CELF2: variants seen among roughly 807,000 people sequenced by gnomAD.
CELF2 encodes CUG triplet repeat RNA-binding protein 2.
CELF2 carries 8 observed loss-of-function variants against 62.6 expected under a neutral mutation model. The observed-to-expected ratio is 0.13, with a 90% CI of 0.07 to 0.23. The LOEUF (loss-of-function observed/expected upper bound fraction) is 0.23. Among genes scored for constraint, CELF2 ranks in the 10% least tolerant of loss-of-function variants. The probability of loss-of-function intolerance (pLI) is 1.00; values close to 1 mark genes in which losing one functional copy is unlikely to be tolerated. For synonymous variants in CELF2, 258 were observed against 250.0 expected (o/e 1.03, Z -0.30); for missense variants, 333 against 671.0 (o/e 0.50, Z 5.56).
chr10:10,540,347 A>C, the CELF2 span, among the ~76,000 whole-genome samples: 2 of 152,160 alleles, frequency 1.3e-5, no homozygotes. Flanking sequence ...TCTCATGCAC[A>C]CAGTCCTGGG....
chr10:10,891,697 A>G (rs1163831103), intron 1 of CELF2, among the ~76,000 whole-genome samples: 2 of 152,148 alleles, frequency 1.3e-5, no homozygotes, highest in East Asian at 1.9e-4. Context: ...TTCGCTGTTT[A>G]TTAGCTGCAC....
the CELF2 span, among the ~76,000 whole-genome samples, chr10:10,726,426 G>C: frequency 6.6e-6 from 1 of 152,274 alleles, no homozygotes; most frequent in African/African-American, 2.4e-5. Context: ...TAGGTCATCA[G>C]CTTCTAGAGT....
chr10:11,260,027 G>A lies in CELF2; in HGVS notation c.538+2155G>A, dbSNP rs142023062. Among the ~76,000 whole-genome samples, 229 of 152,268 alleles carry A rather than the reference G, an allele frequency of 1.5e-3. No homozygotes were observed. The highest frequency in any genetic ancestry group is 4.9e-3 in the African/African-American group (202 of 41,530). ...GGAGAGCCCTTAAATTACTCATAGCGAAATCTATAATGGCTTAGGGGCCAG... is the reference window on the plus strand; with the variant it reads ...GGAGAGCCCTTAAATTACTCATAGCAAAATCTATAATGGCTTAGGGGCCAG... On this transcript the variant is annotated intron_variant, in intron 5 of 12. Transcript: ENST00000633077. This position sits in a 1 kb window ranked among gnomAD's most constrained non-coding sequence, Gnocchi z 4.2.
At chr10:10,516,797 C>G in the CELF2 span, among the ~76,000 whole-genome samples, 2 of 151,914 alleles carry the variant, frequency 1.3e-5, no homozygotes, top group African/African-American at 4.8e-5. Context: ...CCCTTGCCAC[C>G]CGGGCAACTC....
chr10:10,904,263 G>A (rs964542857), intron 1 of CELF2, among the ~76,000 whole-genome samples: 4 of 81,764 alleles, frequency 4.9e-5, no homozygotes, highest in East Asian at 1.7e-3. Flanking sequence ...GTCTCCTTCT[G>A]TCACCCAGGC....
chr10:11,027,221 T>C (rs2059359383), intron 1 of CELF2, among the ~76,000 whole-genome samples: 1 of 152,226 alleles, frequency 6.6e-6, no homozygotes, highest in Non-Finnish European at 1.5e-5. Context: ...TATTAAGCCA[T>C]CCTTACATTG....
chr10:10,980,392 G>A (rs1006674642), intron 2 of CELF2, among the ~76,000 whole-genome samples: 3 of 152,008 alleles, frequency 2.0e-5, no homozygotes, highest in Admixed American at 1.3e-4. Context: ...TGTTATCTTC[G>A]AAGCCCTTCT....
chr10:10,764,401 C>T, the CELF2 span, among the ~76,000 whole-genome samples: 5 of 152,164 alleles, frequency 3.3e-5, no homozygotes, highest in South Asian at 2.1e-4. Flanking sequence ...TGAGTTTCCA[C>T]GTGCATAAGA....
At chr10:10,511,683 G>A in the CELF2 span, among the ~76,000 whole-genome samples, 3 of 151,942 alleles carry the variant, frequency 2.0e-5, no homozygotes, top group African/African-American at 7.3e-5. Context: ...ATGAGATCTC[G>A]GGTAATTTCT....
chr10:11,303,785 A>C (rs2093977068), intron 9 of CELF2, among the ~76,000 whole-genome samples: 1 of 152,222 alleles, frequency 6.6e-6, no homozygotes, highest in Admixed American at 6.5e-5. Context: ...GGGGAAATAG[A>C]ATCTTGACTT....
intron 8 of CELF2, among the ~76,000 whole-genome samples, chr10:11,286,505 C>T (rs763705125): frequency 1.5e-4 from 23 of 152,228 alleles, no homozygotes; most frequent in Non-Finnish European, 2.9e-4. Flanking sequence ...TTGGTGCTCC[C>T]TCACACTCAA....
chr10:11,053,283 C>G (rs1248562001), intron 1 of CELF2, among the ~76,000 whole-genome samples: 1 of 152,120 alleles, frequency 6.6e-6, no homozygotes, highest in Non-Finnish European at 1.5e-5. Flanking sequence ...TTAGTTTTCC[C>G]TCAATAGACC....
chr10:11,259,777 A>C lies in CELF2; in HGVS notation c.538+1905A>C, dbSNP rs79501089. Among the ~76,000 whole-genome samples the C allele has an allele frequency of 1.4e-4, 21 of 152,352 alleles. No individual in the cohort carries two copies. The East Asian group carries it at 3.9e-3, about 28-fold the overall frequency. On this transcript the variant is annotated intron_variant, in intron 5 of 12. Coordinates refer to ENST00000633077, the MANE Select transcript of CELF2 (RefSeq NM_001326342.2). ...GGTGGTCCAATTCTTCATCATATAT[A>C]TGTCCACTTAAGCAGACAAGCCAGG...
chr10:10,558,244 A>AG, the CELF2 span, among the ~76,000 whole-genome samples: 16 of 152,156 alleles, frequency 1.1e-4, no homozygotes, highest in South Asian at 3.3e-3. Context: ...TTTAGCATGA[A>AG]GGGTTGTTGA....
the CELF2 span, among the ~76,000 whole-genome samples, chr10:10,563,965 T>A: frequency 1.3e-5 from 2 of 152,136 alleles, no homozygotes; most frequent in East Asian, 1.9e-4. Flanking sequence ...CACGCAAGAG[T>A]GTGGCTCAAA....
rs17375451 is a variant in CELF2, at chr10:11,117,412, A to C, written c.75-48074A>C. On this transcript the variant is annotated intron_variant, in intron 1 of 12. Coordinates refer to ENST00000633077, the MANE Select transcript of CELF2 (RefSeq NM_001326342.2). This position sits in a 1 kb window ranked among gnomAD's most constrained non-coding sequence, Gnocchi z 4.1. ...AAATTGGTTAGGTATCATTCGAAAAAGCCAGTGGCTCTCCAGGAATGAAGA... is the reference window on the plus strand; with the variant it reads ...AAATTGGTTAGGTATCATTCGAAAACGCCAGTGGCTCTCCAGGAATGAAGA... Among the ~76,000 whole-genome samples the C allele has an allele frequency of 0.055, 8,438 of 152,248 alleles. 274 individuals carry two copies. Among genetic ancestry groups the C allele is most frequent in the Middle Eastern group, 0.065 (19 of 294 alleles).
chr10:11,068,726 A>C (rs887393212), intron 1 of CELF2, among the ~76,000 whole-genome samples: 3 of 151,962 alleles, frequency 2.0e-5, no homozygotes, highest in Non-Finnish European at 4.4e-5. Context: ...ATGCCCAGCT[A>C]ATTTTTTGTA....
chr10:10,686,926 G>T, the CELF2 span, among the ~76,000 whole-genome samples: 1 of 152,120 alleles, frequency 6.6e-6, no homozygotes. Flanking sequence ...CTCTGAGTCT[G>T]CCCTGATCCC....
At chr10:10,720,407 G>A in the CELF2 span, among the ~76,000 whole-genome samples, 16 of 152,082 alleles carry the variant, frequency 1.1e-4, no homozygotes, top group Non-Finnish European at 1.9e-4. Context: ...GGGTGATCGC[G>A]TAAATGATTA....
Sources: gnomAD v4.1 joint callset for allele counts (sites outside exome capture counted in the v4.1 genomes callset) on GRCh38, gnomAD v4.1.1 for gene constraint, Gnocchi (gnomAD v3.1) non-coding constraint, MANE v1.5 for transcripts, NCBI Gene and HGNC (gene_info 2026-07-23, HGNC 2026-07-21) for gene names.